The following ZCWPW1 variants were observed in gnomAD, a reference collection of about 807,000 sequenced individuals.
The protein encoded by ZCWPW1 is zinc finger CW-type PWWP domain protein 1.
Under a neutral mutation model 81.3 loss-of-function variants are expected in ZCWPW1, and 56 were observed. That is an observed-to-expected ratio of 0.69 (90% CI 0.56 to 0.86). The LOEUF (loss-of-function observed/expected upper bound fraction) is 0.86. ZCWPW1 is among the 40% of genes least tolerant of loss of function. The pLI is 0.00. For missense variants in ZCWPW1, 650 were observed against 769.8 expected (o/e 0.84, Z 1.84); for synonymous variants, 250 against 273.7 (o/e 0.91, Z 0.86).
rs551607439 is a variant in ZCWPW1, at chr7:100,403,162, C to T, written c.1413+532G>A. On this transcript the variant is annotated intron_variant, in intron 15 of 17. Transcript: ENST00000684423. ...CTTAGTAAATCTAAGTCCATTCTAA[C>T]GAGATCCTTACAGAAAGCTCCTGAA... Among the ~76,000 whole-genome samples, 24 of 152,012 alleles carry T rather than the reference C, an allele frequency of 1.6e-4. No homozygotes were observed. The South Asian group carries it at 3.7e-3, about 24-fold the overall frequency.
rs1444974125 is a variant in ZCWPW1 at position 100,414,577 on chromosome 7, G to T, written c.754+1398C>A. Among the ~76,000 whole-genome samples the T allele has an allele frequency of 7.9e-5, 12 of 151,884 alleles. No individual in the cohort carries two copies. In the South Asian group the frequency reaches 2.5e-3, roughly 32 times the overall value. On this transcript the variant is annotated intron_variant, in intron 8 of 17. Coordinates refer to ENST00000684423, the MANE Select transcript of ZCWPW1 (RefSeq NM_001386010.1). ...ACTACAGGCACTACCACTACATCCAGCTAATTTTTTTTTTTCTTGTAGAGA... is the reference window on the plus strand; with the variant it reads ...ACTACAGGCACTACCACTACATCCATCTAATTTTTTTTTTTCTTGTAGAGA...
At position 100,409,429 on chromosome 7, in the gene ZCWPW1, T is replaced by C; in HGVS notation, c.870A>G (p.Thr290=). 2.5e-6 allele frequency: 4 copies of C among 1,608,788 alleles called. No homozygotes were observed. Among genetic ancestry groups the C allele is most frequent in the Non-Finnish European group, 2.6e-6 (3 of 1,175,416 alleles). The change falls in exon 9 of 18, where the codon ACA becomes ACG. Residue 290 remains threonine, a splice_region_variant and synonymous_variant. Transcript: ENST00000684423. ...GAAAACATTTCCAGTCTTTTCTACC[T>C]GTGTTCTGATCACAGGACCAATTAT... is the stretch of plus-strand genomic sequence containing the variant. ...LPDNWSCDQN[T]DVQYNRCDIP... is the part of the protein sequence containing the mutation.
intron 8 of ZCWPW1, among the ~76,000 whole-genome samples, chr7:100,409,960 T>C (rs1479416853): frequency 2.6e-5 from 4 of 152,210 alleles, no homozygotes; most frequent in Non-Finnish European, 2.9e-5. Context: ...TGCATCTCTT[T>C]TGTGCACAAC....
chr7:100,404,935 T>A, intron 13 of ZCWPW1, 78 bp downstream of exon 13: 2 of 1,475,278 alleles, frequency 1.4e-6, no homozygotes, highest in Non-Finnish European at 9.3e-7. Flanking sequence ...GCACAAACCA[T>A]CTTTGTCTGG....
chr7:100,422,450 C>T (rs1010812095), intron 2 of ZCWPW1, among the ~76,000 whole-genome samples: 1 of 152,258 alleles, frequency 6.6e-6, no homozygotes, highest in Non-Finnish European at 1.5e-5. Context: ...AGTATCTACA[C>T]AGCTACAAGC....
intron 12 of ZCWPW1, 122 bp from the exon 13 acceptor site, chr7:100,405,215 G>A: frequency 1.2e-6 from 1 of 828,634 alleles, no homozygotes; most frequent in Non-Finnish European, 1.9e-6. Flanking sequence ...AGATCACGAG[G>A]TCAGGAGTTC....
At chr7:100,415,350 G>C (rs1795023080) in intron 8 of ZCWPW1, among the ~76,000 whole-genome samples, 1 of 151,780 alleles carries the variant, frequency 6.6e-6, no homozygotes, top group Non-Finnish European at 1.5e-5. Context: ...CACAGAGCTG[G>C]GATTACAAGC....
intron 10 of ZCWPW1, among the ~76,000 whole-genome samples, chr7:100,407,634 C>T (rs528278019): frequency 3.4e-4 from 52 of 152,246 alleles, no homozygotes; most frequent in Non-Finnish European, 6.5e-4. Flanking sequence ...TTCAAGCAAT[C>T]CTCCTACCTC....
intron 10 of ZCWPW1, among the ~76,000 whole-genome samples, 192 bp downstream of exon 10, chr7:100,408,347 A>G (rs1793487667): frequency 6.6e-6 from 1 of 152,160 alleles, no homozygotes; most frequent in African/African-American, 2.4e-5. Context: ...TATCACCTCC[A>G]TGCTGAAACC....
At chr7:100,411,470 T>C (rs191399032) in intron 8 of ZCWPW1, among the ~76,000 whole-genome samples, 1 of 152,208 alleles carries the variant, frequency 6.6e-6, no homozygotes, top group African/African-American at 2.4e-5. Flanking sequence ...GGTTTCCCCA[T>C]GTTGCCCAGG....
chr7:100,418,717 G>A (rs1425160347), intron 5 of ZCWPW1: 1 of 152,328 alleles, frequency 6.6e-6, no homozygotes, highest in Non-Finnish European at 1.5e-5. Flanking sequence ...CTTGAACCTG[G>A]GAGGCAGATG....
intron 5 of ZCWPW1, 24 bp from the exon 6 acceptor site, chr7:100,417,207 C>A (rs1276595889): frequency 1.9e-6 from 3 of 1,588,376 alleles, no homozygotes; most frequent in African/African-American, 1.4e-5. Flanking sequence ...ATACTATAAG[C>A]AGAGAAGCAA....
chr7:100,408,518 G>T (rs1354794616), intron 10 of ZCWPW1, 21 bp downstream of exon 10: 1 of 1,608,514 alleles, frequency 6.2e-7, no homozygotes, highest in African/African-American at 1.3e-5. Context: ...AGGATGCTCT[G>T]ACTGTGTCAT....
Position 100,402,003 on chromosome 7 carries a change from T to C in ZCWPW1, c.1513A>G (p.Arg505Gly). 6.2e-7 allele frequency: 1 copy of C among 1,613,960 alleles called. No homozygotes were observed. ...TTCATTATCTTCCTCTGCAGTGTCC[T>C]GCCTCGGCCATCTGCTGTGCCTGCA... Reference protein sequence around the residue: ...GDAGTADGRGRTLQRKIMKRS... With the variant: ...GDAGTADGRGGTLQRKIMKRS... Residue 505 changes from arginine (R) to glycine (G), a missense_variant, in exon 17 of 18, where the codon AGG becomes GGG. Transcript: ENST00000684423.
intron 8 of ZCWPW1, among the ~76,000 whole-genome samples, chr7:100,413,278 CT>C (rs1182664916): frequency 6.6e-6 from 1 of 152,236 alleles, no homozygotes; most frequent in Non-Finnish European, 1.5e-5. Context: ...CTGCCTCCCT[CT>C]TTCCAGTTAT....
intron 1 of ZCWPW1, among the ~76,000 whole-genome samples, chr7:100,426,492 C>CAA (rs1239534406): frequency 0.2 from 14,703 of 71,982 alleles, 1,179 homozygotes; most frequent in Non-Finnish European, 0.27. Flanking sequence ...GACTCTGTCT[C>CAA]AAAAAAAAAA....
intron 2 of ZCWPW1, among the ~76,000 whole-genome samples, chr7:100,423,933 G>T (rs1796815378): frequency 6.6e-6 from 1 of 152,026 alleles, no homozygotes; most frequent in Non-Finnish European, 1.5e-5. Flanking sequence ...AGCCGGGCGT[G>T]GTGGCGGGCG....
intron 12 of ZCWPW1, 46 bp downstream of exon 12, chr7:100,406,648 G>C: frequency 6.5e-7 from 1 of 1,547,610 alleles, no homozygotes. Context: ...AGAAAAGGAA[G>C]ATTTTGTTTT....
chr7:100,404,875 G>T, intron 13 of ZCWPW1, 138 bp downstream of exon 13: 1 of 729,010 alleles, frequency 1.4e-6, no homozygotes. Context: ...AGAGGTTAGG[G>T]CACTTATATC....
Sources: allele counts gnomAD v4.1 joint callset (sites outside exome capture counted in the v4.1 genomes callset), GRCh38; gene constraint gnomAD v4.1.1; transcripts MANE v1.5; gene names NCBI Gene and HGNC (gene_info 2026-07-23, HGNC 2026-07-21).